Variants in SAMD12 observed in about 807,000 individuals in gnomAD.
SAMD12 encodes sterile alpha motif domain containing 12.
A neutral mutation model predicts 15.0 loss-of-function variants in SAMD12; 9 were observed. That is an observed-to-expected ratio of 0.60 (90% confidence interval 0.36 to 1.05). SAMD12 has a LOEUF of 1.05. Among genes scored for constraint, SAMD12 ranks in the 50% least tolerant of loss-of-function variants. The probability of loss-of-function intolerance (pLI) is 0.01; values close to 1 mark genes in which losing one functional copy is unlikely to be tolerated. For missense variants in SAMD12, 230 were observed against 234.2 expected, an observed-to-expected ratio of 0.98 and a Z score of 0.12; for synonymous variants, 86 against 90.1, an observed-to-expected ratio of 0.96 and a Z score of 0.25.
the SAMD12 span, among the ~76,000 whole-genome samples, chr8:118,168,371 T>C: frequency 1.3e-5 from 2 of 152,188 alleles, no homozygotes; most frequent in Non-Finnish European, 2.9e-5. Flanking sequence ...AGTGACCACA[T>C]AGGCCCCACC....
At chr8:118,238,096 T>C (rs1563709919) in intron 4 of SAMD12, among the ~76,000 whole-genome samples, 1 of 152,254 alleles carries the variant, frequency 6.6e-6, no homozygotes, top group Middle Eastern at 3.4e-3. Context: ...GAGACACACA[T>C]GGCTTTAAAC....
chr8:118,258,846 A>G lies in SAMD12; in HGVS notation c.434-61114T>C, dbSNP rs1586393699. Among the ~76,000 whole-genome samples the G allele has an allele frequency of 2.0e-5, 3 of 152,232 alleles. No homozygotes were observed. The South Asian group carries it at 6.2e-4, about 32-fold the overall frequency. On this transcript the variant is annotated intron_variant, in intron 4 of 4. Transcript: ENST00000409003. ...CAGCTTTGCCTGGCAGAAGCCTCTA[A>G]GAGGAAAGGAGTTGAGAATTGAGAA...
At chr8:118,206,367 T>A (rs1317183473) in intron 4 of SAMD12, among the ~76,000 whole-genome samples, 1 of 152,204 alleles carries the variant, frequency 6.6e-6, no homozygotes, top group Non-Finnish European at 1.5e-5. Context: ...TCTTTTCACA[T>A]AATAAAATGC....
chr8:118,496,022 T>C (rs1824598897), intron 2 of SAMD12, among the ~76,000 whole-genome samples: 1 of 152,084 alleles, frequency 6.6e-6, no homozygotes, highest in Admixed American at 6.5e-5. Context: ...CAAAGATCTC[T>C]ATAATAAGAA....
intron 4 of SAMD12, among the ~76,000 whole-genome samples, chr8:118,236,981 C>T (rs1338035291): frequency 2.0e-5 from 3 of 152,070 alleles, no homozygotes; most frequent in Admixed American, 6.5e-5. Context: ...GGCTCTGCCA[C>T]CTCTGAACTG....
At chr8:118,296,120 G>A (rs1306415312) in intron 4 of SAMD12, among the ~76,000 whole-genome samples, 2 of 152,140 alleles carry the variant, frequency 1.3e-5, no homozygotes, top group African/African-American at 4.8e-5. Context: ...ACATATGTAG[G>A]TTTGACATTC....
At chr8:118,601,108 T>G (rs905440932) in intron 1 of SAMD12, among the ~76,000 whole-genome samples, 1 of 152,176 alleles carries the variant, frequency 6.6e-6, no homozygotes, top group Non-Finnish European at 1.5e-5. Context: ...GAAGAAAATA[T>G]GCCAAATACT....
At chr8:118,326,762 A>G (rs1198534165) in intron 4 of SAMD12, among the ~76,000 whole-genome samples, 6 of 152,186 alleles carry the variant, frequency 3.9e-5, no homozygotes, top group African/African-American at 9.7e-5. Context: ...CTAATAAATC[A>G]TTCTCCATAA....
intron 3 of SAMD12, among the ~76,000 whole-genome samples, chr8:118,414,893 C>G (rs994906838): frequency 2.6e-5 from 4 of 152,212 alleles, no homozygotes; most frequent in Non-Finnish European, 5.9e-5. Context: ...AATTTACATT[C>G]CTTTGCACAG....
chr8:118,597,886 T>C (rs1483205062), intron 1 of SAMD12, among the ~76,000 whole-genome samples: 1 of 152,164 alleles, frequency 6.6e-6, no homozygotes, highest in Non-Finnish European at 1.5e-5. Context: ...CCAACAAAAA[T>C]TGTAAGTCTT....
intron 2 of SAMD12, among the ~76,000 whole-genome samples, chr8:118,524,535 T>C (rs747566080): frequency 3.3e-5 from 5 of 152,226 alleles, no homozygotes; most frequent in Middle Eastern, 3.4e-3. Context: ...AGGCTTTAAA[T>C]ACCATTCATA....
Position 118,580,785 on chromosome 8 carries a change from T to G in SAMD12, c.122A>C (p.Lys41Thr). The G allele has an allele frequency of 6.2e-7, 1 of 1,613,494 alleles. No homozygotes were observed. The highest frequency in any genetic ancestry group is 1.3e-5 in the African/African-American group (1 of 75,002). Residue 41 changes from lysine (K) to threonine (T), a missense_variant, in exon 2 of 4, where the codon AAA becomes ACA. Coordinates refer to ENST00000314727, the MANE Select transcript of SAMD12 (RefSeq NM_207506.3). ...EGVESQSIKN[K>T]NFQKVPDQKG... ...CTGGTCAGGCACCTTCTGGAAATTT[T>G]TATTTTTAATGGATTGAGATTCCAC...
chr8:118,210,292 G>A (rs1819983428), intron 4 of SAMD12, among the ~76,000 whole-genome samples: 2 of 152,134 alleles, frequency 1.3e-5, no homozygotes, highest in African/African-American at 4.8e-5. Context: ...TGAAATGGGA[G>A]AACTAGAGCA....
chr8:118,430,316 T>C (rs1365995656), intron 3 of SAMD12, among the ~76,000 whole-genome samples: 2 of 152,190 alleles, frequency 1.3e-5, no homozygotes, highest in East Asian at 1.9e-4. Context: ...AGTGCAAATG[T>C]TTAGAATTGT....
At chr8:118,427,971 A>G (rs1318035820) in intron 3 of SAMD12, among the ~76,000 whole-genome samples, 2 of 152,130 alleles carry the variant, frequency 1.3e-5, no homozygotes, top group African/African-American at 4.8e-5. Context: ...AAGCCATTCT[A>G]CTGGGTGTAA....
At chr8:118,268,121 C>T (rs1427072922) in intron 4 of SAMD12, among the ~76,000 whole-genome samples, 2 of 151,866 alleles carry the variant, frequency 1.3e-5, no homozygotes, top group South Asian at 2.1e-4. Context: ...AGAAATCCTA[C>T]AACATCCCTC....
intron 2 of SAMD12, among the ~76,000 whole-genome samples, chr8:118,519,042 A>C (rs1428350030): frequency 6.6e-6 from 1 of 152,210 alleles, no homozygotes. Flanking sequence ...TATCAGCAGC[A>C]GGAGGGAAAA....
At chr8:118,142,272 A>G in the SAMD12 span, among the ~76,000 whole-genome samples, 1 of 152,216 alleles carries the variant, frequency 6.6e-6, no homozygotes, top group Non-Finnish European at 1.5e-5. Context: ...TAACCTTTTA[A>G]GAATCAATCT....
intron 4 of SAMD12, among the ~76,000 whole-genome samples, chr8:118,361,141 C>A (rs1019940999): frequency 1.3e-5 from 2 of 152,188 alleles, no homozygotes; most frequent in African/African-American, 4.8e-5. Flanking sequence ...CCAACTCCTG[C>A]CTTTGTGAGT....
Sources: gnomAD v4.1 joint callset for allele counts (sites outside exome capture counted in the v4.1 genomes callset) on GRCh38, gnomAD v4.1.1 for gene constraint, MANE v1.5 for transcripts, NCBI Gene and HGNC (gene_info 2026-07-23, HGNC 2026-07-21) for gene names.